The following ZMYND8 variants were observed in gnomAD, a reference collection of about 807,000 sequenced individuals.
ZMYND8 encodes the protein zinc finger MYND-type containing 8.
ZMYND8 carries 37 observed loss-of-function variants against 140.8 expected under a neutral mutation model. The observed-to-expected ratio is 0.26, with a 90% CI of 0.20 to 0.35. The LOEUF is 0.35. Among genes scored for constraint, ZMYND8 ranks in the 10% least tolerant of loss-of-function variants. ZMYND8 has a pLI of 1.00. For synonymous variants in ZMYND8, 592 were observed against 597.1 expected (o/e 0.99, Z 0.12); for missense variants, 1,068 against 1,570.0 (o/e 0.68, Z 5.40).
intron 18 of ZMYND8, 130 bp from the exon 19 acceptor site, chr20:47,224,686 T>C: frequency 4.0e-6 from 6 of 1,496,466 alleles, no homozygotes; most frequent in Non-Finnish European, 5.4e-6. Context: ...TGTGTGCCCA[T>C]GGGCAATAAC....
chr20:47,335,036 A>G (rs2081285227), intron 2 of ZMYND8, among the ~76,000 whole-genome samples: 1 of 152,064 alleles, frequency 6.6e-6, no homozygotes, highest in African/African-American at 2.4e-5. Context: ...GCTTGAGCCC[A>G]GGAGTTCAAG....
intron 5 of ZMYND8, among the ~76,000 whole-genome samples, chr20:47,292,099 A>G (rs1414331981): frequency 6.6e-6 from 1 of 152,184 alleles, no homozygotes; most frequent in Non-Finnish European, 1.5e-5. Flanking sequence ...TTGTGATCCA[A>G]TTTTATTCTT....
intron 12 of ZMYND8, among the ~76,000 whole-genome samples, chr20:47,256,497 G>A (rs889518405): frequency 6.6e-6 from 1 of 152,130 alleles, no homozygotes; most frequent in African/African-American, 2.4e-5. Flanking sequence ...GCGGGCACCT[G>A]TAGTCCCAGC....
chr20:47,251,328 C>A (rs74781497), intron 12 of ZMYND8, among the ~76,000 whole-genome samples: 2,081 of 152,142 alleles, frequency 0.014, 43 homozygotes, highest in African/African-American at 0.047. Context: ...GTGATTCACA[C>A]CTCTCCCAGC....
chr20:47,305,837 T>C (rs904667010), intron 3 of ZMYND8, among the ~76,000 whole-genome samples: 3 of 152,156 alleles, frequency 2.0e-5, no homozygotes, highest in Non-Finnish European at 4.4e-5. Context: ...TGAACTCAAA[T>C]GTGTCAGAAC....
At chr20:47,306,296 G>A (rs1254860747) in intron 3 of ZMYND8, among the ~76,000 whole-genome samples, 2 of 152,120 alleles carry the variant, frequency 1.3e-5, no homozygotes, top group African/African-American at 2.4e-5. Context: ...TTGGGAGGCT[G>A]AGGGAAGAGA....
At chr20:47,254,542 T>C (rs1004903552) in intron 12 of ZMYND8, among the ~76,000 whole-genome samples, 4 of 152,224 alleles carry the variant, frequency 2.6e-5, no homozygotes, top group Non-Finnish European at 5.9e-5. Flanking sequence ...GAAGGCCGAT[T>C]TCTGTGTGTT....
In ZMYND8 at chr20:47,221,315, G is replaced by A. The variant is rs770628875; in HGVS notation, c.3416C>T (p.Ser1139Leu). 32 of 1,613,814 alleles carry A rather than the reference G, an allele frequency of 2.0e-5. No homozygotes were observed. Among genetic ancestry groups the A allele is most frequent in the African/African-American group, 4.0e-5 (3 of 74,914 alleles). Residue 1139 changes from serine (S) to leucine (L), a missense_variant and splice_region_variant, in exon 20 of 23, where the codon TCG (serine) becomes TTG (leucine). By Grantham distance (145) the Ser-to-Leu change is moderately radical. Coordinates refer to ENST00000471951, the MANE Select transcript of ZMYND8 (RefSeq NM_001281775.3). ...TSAEKSKESG[S>L]TLDLSGSRET... Reference sequence around the variant, plus strand: ...CCAAAGGCATGGGGGGATCCTCACCGAGCCACTCTCCTTGCTTTTCTCAGC... The same window carrying A: ...CCAAAGGCATGGGGGGATCCTCACCAAGCCACTCTCCTTGCTTTTCTCAGC...
chr20:47,337,738 A>G (rs888283718), intron 2 of ZMYND8, among the ~76,000 whole-genome samples: 5 of 152,246 alleles, frequency 3.3e-5, no homozygotes, highest in Admixed American at 2.0e-4. Flanking sequence ...TTGATGTAGG[A>G]GCATCTTTCA....
At chr20:47,224,113 G>GT (rs2146971586) in intron 19 of ZMYND8, among the ~76,000 whole-genome samples, 1 of 152,334 alleles carries the variant, frequency 6.6e-6, no homozygotes, top group South Asian at 2.1e-4. Flanking sequence ...AAGATCAAAG[G>GT]TTCAAAATGC....
At chr20:47,280,124 CAAAA>C (rs72091806) in intron 10 of ZMYND8, among the ~76,000 whole-genome samples, 9 of 90,866 alleles carry the variant, frequency 9.9e-5, no homozygotes, top group Non-Finnish European at 1.2e-4. Flanking sequence ...GACTCTGCTC[CAAAA>C]AAAAAAAAAA....
chr20:47,310,009 G>C (rs1197751024), intron 3 of ZMYND8, 47 bp downstream of exon 3: 1 of 1,611,934 alleles, frequency 6.2e-7, no homozygotes, highest in African/African-American at 1.3e-5. Context: ...GCTACTAGCT[G>C]GCCTCTGTCC....
At chr20:47,262,029 C>T (rs573590276) in intron 12 of ZMYND8, among the ~76,000 whole-genome samples, 2 of 152,108 alleles carry the variant, frequency 1.3e-5, no homozygotes, top group South Asian at 4.2e-4. Flanking sequence ...CGAGACCGCA[C>T]CCTTGCACTC....
intron 4 of ZMYND8, among the ~76,000 whole-genome samples, chr20:47,296,519 G>T (rs1347922687): frequency 6.6e-6 from 1 of 152,136 alleles, no homozygotes; most frequent in African/African-American, 2.4e-5. Flanking sequence ...TTATGGCCAT[G>T]GAGAACATGT....
chr20:47,232,856 C>A (rs2038696335), intron 16 of ZMYND8, among the ~76,000 whole-genome samples: 1 of 151,880 alleles, frequency 6.6e-6, no homozygotes, highest in South Asian at 2.1e-4. Context: ...TGCTGTTATG[C>A]CTTTAACACT....
At chr20:47,327,757 G>C (rs1475851680) in intron 2 of ZMYND8, among the ~76,000 whole-genome samples, 1 of 152,314 alleles carries the variant, frequency 6.6e-6, no homozygotes, top group South Asian at 2.1e-4. Flanking sequence ...CAGAATCCCT[G>C]TTTGCCGAGG....
At chr20:47,340,455 A>G (rs1363085754) in intron 2 of ZMYND8, among the ~76,000 whole-genome samples, 3 of 151,710 alleles carry the variant, frequency 2.0e-5, no homozygotes, top group Non-Finnish European at 1.5e-5. Flanking sequence ...TAACCACTGC[A>G]CTACACTGCA....
intron 13 of ZMYND8, among the ~76,000 whole-genome samples, chr20:47,248,996 CAG>C (rs1435671773): frequency 6.6e-6 from 1 of 152,150 alleles, no homozygotes; most frequent in Non-Finnish European, 1.5e-5. Flanking sequence ...AGGCAAAACT[CAG>C]AGGATCCTCA....
At position 47,255,561 on chromosome 20, in the gene ZMYND8, A is replaced by AGT. The variant is rs141205253; in HGVS notation, c.1622-6124_1622-6123dup. On this transcript the variant is annotated intron_variant, in intron 12 of 22. Transcript: ENST00000471951. Reference sequence around the variant, plus strand: ...ATATACACACCATATACATATACTCAGTGTGTGTGTGTGTGTGTGTGTGTG... The same window carrying AGT: ...ATATACACACCATATACATATACTCAGTGTGTGTGTGTGTGTGTGTGTGTGTG... Among the ~76,000 whole-genome samples the AGT allele has an allele frequency of 6.7e-3, 810 of 120,016 alleles. 1 individual carries two copies. Among genetic ancestry groups the AGT allele is most frequent in the South Asian group, 0.013 (47 of 3,522 alleles). The allele number at this position is 120,016 out of a possible 152,430, so 78.7% of individuals were successfully genotyped here.
Sources: allele counts gnomAD v4.1 joint callset (sites outside exome capture counted in the v4.1 genomes callset), GRCh38; gene constraint gnomAD v4.1.1; transcripts MANE v1.5; gene names NCBI Gene and HGNC (gene_info 2026-07-23, HGNC 2026-07-21).